HSD17B2: variants seen among roughly 807,000 people sequenced by gnomAD.
HSD17B2 encodes hydroxysteroid 17-beta dehydrogenase 2.
Under a neutral mutation model 26.9 loss-of-function variants are expected in HSD17B2, and 32 were observed. That is an observed-to-expected ratio of 1.19 (90% CI 0.90 to 1.60). HSD17B2 has a LOEUF of 1.60. HSD17B2 is among the 40% of genes most tolerant of loss of function. HSD17B2 has a pLI of 0.00. For missense variants in HSD17B2, 613 were observed against 468.6 expected (o/e 1.31, Z -2.85); for synonymous variants, 246 against 186.7 (o/e 1.32, Z -2.59).
chr16:82,095,426 C>G (rs1035894275), intron 4 of HSD17B2: 3 of 152,886 alleles, frequency 2.0e-5, no homozygotes, highest in African/African-American at 7.2e-5. Flanking sequence ...GTCACCGAAG[C>G]TAGCAAGGGC....
chr16:82,095,393 C>T (rs1904811347), intron 4 of HSD17B2: 2 of 152,654 alleles, frequency 1.3e-5, no homozygotes, highest in African/African-American at 4.8e-5. Flanking sequence ...ATCCCTCCTT[C>T]TCTGCAGTCC....
chr16:82,068,059 C>G (rs748676517), intron 1 of HSD17B2, 111 bp from the exon 2 acceptor site: 1 of 964,934 alleles, frequency 1.0e-6, no homozygotes, highest in Non-Finnish European at 1.6e-6. Context: ...AGGAACCCCT[C>G]TCTTCAGAGA....
intron 4 of HSD17B2, chr16:82,094,172 T>A (rs1214735257): frequency 6.6e-6 from 1 of 152,188 alleles, no homozygotes; most frequent in Non-Finnish European, 1.5e-5. Flanking sequence ...TGATTAAGAA[T>A]GCTTAACCTC....
intron 1 of HSD17B2, among the ~76,000 whole-genome samples, chr16:82,053,089 G>A (rs1914157282): frequency 6.6e-6 from 1 of 152,158 alleles, no homozygotes; most frequent in Non-Finnish European, 1.5e-5. Context: ...ATGAATTTGG[G>A]GATTAAGTTT....
At chr16:82,096,127 ATG>A (rs1318559874) in intron 4 of HSD17B2, 1 of 152,032 alleles carries the variant, frequency 6.6e-6, no homozygotes, top group Non-Finnish European at 1.5e-5. Flanking sequence ...ATTAAAATTT[ATG>A]TGTGAATTAT....
At chr16:82,082,946 T>C (rs139350379) in intron 3 of HSD17B2, among the ~76,000 whole-genome samples, 309 of 152,318 alleles carry the variant, frequency 2.0e-3, no homozygotes, top group Non-Finnish European at 3.7e-3. Context: ...TTTCATGTTC[T>C]GACTCACCAA....
intron 1 of HSD17B2, among the ~76,000 whole-genome samples, chr16:82,067,033 T>C (rs553936088): frequency 3.3e-5 from 5 of 152,350 alleles, no homozygotes; most frequent in South Asian, 2.1e-4. Flanking sequence ...ATTTTAGTCC[T>C]GCACATGTTT....
At chr16:82,047,660 T>C (rs929303272) in intron 1 of HSD17B2, among the ~76,000 whole-genome samples, 2 of 152,144 alleles carry the variant, frequency 1.3e-5, no homozygotes, top group Non-Finnish European at 2.9e-5. Flanking sequence ...GGAGGGACTT[T>C]ATGAAGGAAG....
intron 1 of HSD17B2, among the ~76,000 whole-genome samples, chr16:82,045,126 A>G (rs1440114776): frequency 6.7e-6 from 1 of 149,404 alleles, no homozygotes; most frequent in Non-Finnish European, 1.5e-5. Context: ...CTGTCCAAAA[A>G]AAAAAAAAAA....
Position 82,066,686 on chromosome 16 carries a change from T to C in HSD17B2, c.266-1484T>C, listed in dbSNP as rs1456761544. ...TTTTTTACATTTCCACACCTCGCTA[T>C]TTATGGCATCAACTCTCCTTCTTTT... is the stretch of plus-strand genomic sequence containing the variant. On this transcript the variant is annotated intron_variant, in intron 1 of 4. Transcript: ENST00000199936. 2.6e-5 allele frequency among the ~76,000 whole-genome samples: 4 copies of C among 151,952 alleles called. No individual in the cohort carries two copies. In the South Asian group the frequency reaches 6.2e-4, roughly 24 times the overall value.
chr16:82,068,496 G>A, intron 2 of HSD17B2, 114 bp downstream of exon 2: 1 of 825,552 alleles, frequency 1.2e-6, no homozygotes, highest in Admixed American at 2.4e-5. Flanking sequence ...TTGCCCTGAA[G>A]CACACCTGTG....
At chr16:82,066,099 A>G (rs1914565277) in intron 1 of HSD17B2, among the ~76,000 whole-genome samples, 1 of 152,224 alleles carries the variant, frequency 6.6e-6, no homozygotes, top group Admixed American at 6.5e-5. Context: ...GGTTATACAC[A>G]TATATTATAT....
At chr16:82,087,733 T>C (rs777007634) in intron 3 of HSD17B2, among the ~76,000 whole-genome samples, 3 of 152,172 alleles carry the variant, frequency 2.0e-5, no homozygotes, top group Non-Finnish European at 2.9e-5. Flanking sequence ...GATTGGCTCT[T>C]GGTTCTAGAG....
intron 3 of HSD17B2, among the ~76,000 whole-genome samples, chr16:82,074,043 A>C (rs556831562): frequency 2.0e-5 from 3 of 152,262 alleles, no homozygotes; most frequent in Non-Finnish European, 4.4e-5. Flanking sequence ...CCAGAAATAA[A>C]ACAATACACC....
rs529224978 is a variant in HSD17B2 at position 82,098,204 on chromosome 16, A to G, written c.932A>G (p.Asn311Ser). 8.1e-6 allele frequency: 13 copies of G among 1,613,842 alleles called. No individual in the cohort carries two copies. The African/African-American group carries it at 1.3e-4, about 17-fold the overall frequency. Reference protein sequence around the residue: ...LAQRNFLLLINSLASKDFSPV... With the variant: ...LAQRNFLLLISSLASKDFSPV... ...CAGCGGAATTTCCTCCTATTGATCA[A>G]CTCGTTAGCCAGCAAGGACTTCTCT... Residue 311 changes from asparagine to serine, a missense_variant, in exon 5 of 5, where the codon AAC (asparagine) becomes AGC (serine). Coordinates refer to ENST00000199936, the MANE Select transcript of HSD17B2 (RefSeq NM_002153.3).
rs201533843 is a variant in HSD17B2 at position 82,098,106 on chromosome 16, G to C, written c.834G>C (p.Lys278Asn). 4 of 1,613,554 alleles carry C rather than the reference G, an allele frequency of 2.5e-6. No individual in the cohort carries two copies. The highest frequency in any genetic ancestry group is 1.7e-5 in the Admixed American group (1 of 59,968). ...CAGGCACCAGTGACAAGTGGGAAAA[G>C]CTGGAGAAGGACATTCTGGACCACC... ...NIAGTSDKWE[K>N]LEKDILDHLP... The change falls in exon 5 of 5, where the codon AAG becomes AAC. Residue 278 changes from lysine to asparagine, a missense_variant. Physicochemically the swap from Lys to Asn is moderately conservative, Grantham distance 94. Transcript: ENST00000199936.
intron 3 of HSD17B2, among the ~76,000 whole-genome samples, chr16:82,078,391 C>G (rs994886267): frequency 6.6e-6 from 1 of 152,108 alleles, no homozygotes; most frequent in South Asian, 2.1e-4. Context: ...AATAACAAAT[C>G]CTGGTAAGGA....
chr16:82,069,357 T>C (rs1449494544), intron 2 of HSD17B2, among the ~76,000 whole-genome samples: 3 of 152,254 alleles, frequency 2.0e-5, no homozygotes, highest in Admixed American at 6.5e-5. Flanking sequence ...CTTTTGTGAC[T>C]AGGGCTGCAA....
At chr16:82,079,432 C>A (rs1028168904) in intron 3 of HSD17B2, among the ~76,000 whole-genome samples, 4 of 152,208 alleles carry the variant, frequency 2.6e-5, no homozygotes, top group Admixed American at 1.3e-4. Context: ...GTCTGTTGCA[C>A]CCCTGGTGTC....
Sources: gnomAD v4.1 joint callset for allele counts (sites outside exome capture counted in the v4.1 genomes callset) on GRCh38, gnomAD v4.1.1 for gene constraint, MANE v1.5 for transcripts, NCBI Gene and HGNC (gene_info 2026-07-23, HGNC 2026-07-21) for gene names.